Variants in ARHGEF28 observed in about 807,000 individuals in gnomAD.
ARHGEF28 encodes the protein Rho guanine nucleotide exchange factor 28.
A neutral mutation model predicts 206.6 loss-of-function variants in ARHGEF28; 152 were observed. The ratio of observed to expected loss-of-function variants is 0.74; its 90% CI spans 0.64 to 0.84. ARHGEF28 has a LOEUF of 0.84. Among genes scored for constraint, ARHGEF28 ranks in the 40% least tolerant of loss-of-function variants. The pLI is 0.00. For missense variants in ARHGEF28, 2,028 were observed against 2,073.2 expected (o/e 0.98, Z 0.42); for synonymous variants, 763 against 776.4 (o/e 0.98, Z 0.29).
intron 4 of ARHGEF28, among the ~76,000 whole-genome samples, 187 bp downstream of exon 4, chr5:73,753,389 G>A (rs1017921940): frequency 6.6e-6 from 1 of 152,196 alleles, no homozygotes; most frequent in Non-Finnish European, 1.5e-5. Flanking sequence ...GTGACTCCGT[G>A]CCAGGAGGTG....
chr5:73,882,781 A>G (rs1207980299), intron 23 of ARHGEF28, among the ~76,000 whole-genome samples, 187 bp downstream of exon 23: 1 of 152,174 alleles, frequency 6.6e-6, no homozygotes, highest in African/African-American at 2.4e-5. Flanking sequence ...ATTGCCCCCA[A>G]ATCATTTCCT....
At chr5:73,898,231 A>AATTTTTTGGCTCAG in intron 30 of ARHGEF28, 138 bp downstream of exon 30, 1 of 1,052,056 alleles carries the variant, frequency 9.5e-7, no homozygotes, top group Non-Finnish European at 1.3e-6. Context: ...AAAAACTGAG[A>AATTTTTTGGCTCAG]ATAAATATGC....
In ARHGEF28 at chr5:73,878,893, A is replaced by G. The variant is rs546064258; in HGVS notation, c.2815-3579A>G. 6.0e-3 allele frequency among the ~76,000 whole-genome samples: 912 copies of G among 151,948 alleles called. 15 individuals carry two copies. Among genetic ancestry groups the G allele is most frequent in the African/African-American group, 0.021 (853 of 41,398 alleles). On this transcript the variant is annotated intron_variant, in intron 22 of 35. Coordinates refer to ENST00000513042, the MANE Select transcript of ARHGEF28 (RefSeq NM_001177693.2). ...CATTTCAACTTTGGTGAATCTGACA[A>G]TTATGTGTCTTGGAGTTGGTCTTCT... is the stretch of plus-strand genomic sequence containing the variant.
intron 24 of ARHGEF28, 31 bp from the exon 25 acceptor site, chr5:73,885,819 T>A (rs1761245348): frequency 1.3e-6 from 2 of 1,582,992 alleles, no homozygotes; most frequent in South Asian, 2.4e-5. Context: ...TGTATAGTAT[T>A]TTTGTTTGTT....
chr5:73,917,404 C>G (rs1293079032), intron 35 of ARHGEF28, among the ~76,000 whole-genome samples: 1 of 152,218 alleles, frequency 6.6e-6, no homozygotes, highest in Non-Finnish European at 1.5e-5. Context: ...TTTCATCTTT[C>G]TCATCGACAA....
chr5:73,909,245 G>A lies in ARHGEF28; in HGVS notation c.4162-167G>A, dbSNP rs1762723996. The A allele has an allele frequency of 6.2e-6, 6 of 968,062 alleles. No homozygotes were observed. In the Admixed American group the frequency reaches 1.8e-4, roughly 28 times the overall value. The allele number at this position is 968,062 out of a possible 1,614,324, so 60.0% of individuals were successfully genotyped here. ...GGACAGATGTAGACACACCTCTCTGGAACGCCAAAAACCTTGCCTTTGGAG... is the reference window on the plus strand; with the variant it reads ...GGACAGATGTAGACACACCTCTCTGAAACGCCAAAAACCTTGCCTTTGGAG... On this transcript the variant is annotated intron_variant, in intron 33 of 35. Transcript: ENST00000513042.
intron 6 of ARHGEF28, 163 bp from the exon 7 acceptor site, chr5:73,780,513 G>A (rs559918258): frequency 6.4e-4 from 415 of 646,390 alleles, no homozygotes; most frequent in Non-Finnish European, 9.7e-4. Context: ...CCTCCTGCTG[G>A]GGTGCTGGCT....
chr5:73,672,531 C>A (rs1430823627), intron 1 of ARHGEF28, among the ~76,000 whole-genome samples: 1 of 152,190 alleles, frequency 6.6e-6, no homozygotes, highest in African/African-American at 2.4e-5. Flanking sequence ...TTTTAATATC[C>A]TTCCCTAGAT....
Position 73,633,648 on chromosome 5 carries a change from C to T in ARHGEF28, c.-12+7326C>T, listed in dbSNP as rs534024900. On this transcript the variant is annotated intron_variant, in intron 1 of 35. Transcript: ENST00000513042. Reference sequence around the variant, plus strand: ...CTGGAGTGCAGTGGTGTGATCTCAGCTCACTGCAACCTCCGCCTCCTGGGT... The same window carrying T: ...CTGGAGTGCAGTGGTGTGATCTCAGTTCACTGCAACCTCCGCCTCCTGGGT... Among the ~76,000 whole-genome samples the T allele has an allele frequency of 2.8e-5, 4 of 143,810 alleles. 1 individual carries two copies. In the South Asian group the frequency reaches 8.7e-4, roughly 31 times the overall value. The allele number at this position is 143,810 out of a possible 152,430, so 94.3% of individuals were successfully genotyped here. A position where few individuals can be genotyped will look rare whatever the true frequency, so the allele number is the denominator to read the frequency against.
chr5:73,873,692 G>A (rs1760258050), intron 22 of ARHGEF28, among the ~76,000 whole-genome samples: 1 of 152,204 alleles, frequency 6.6e-6, no homozygotes. Flanking sequence ...GAGTTCAGCT[G>A]TTGGTCTGTA....
At chr5:73,835,387 G>C (rs371874567) in intron 10 of ARHGEF28, 1 of 151,296 alleles carries the variant, frequency 6.6e-6, no homozygotes, top group Non-Finnish European at 1.5e-5. Context: ...GGAGAATGGC[G>C]TGAACCCGGG....
Position 73,938,160 on chromosome 5 carries a change from CCACACACACACACACA to C in ARHGEF28, c.4949-2659_4949-2644del, listed in dbSNP as rs199804024. On this transcript the variant is annotated intron_variant, in intron 35 of 35. Coordinates refer to ENST00000513042, the MANE Select transcript of ARHGEF28 (RefSeq NM_001177693.2). ...GTTCTGATTAAACTTCTACACTACA[CCACACACACACACACA>C]CACACACACACACACACACACACAA... 0.011 allele frequency among the ~76,000 whole-genome samples: 1,535 copies of C among 139,638 alleles called. 71 individuals are homozygous for C. In the East Asian group the frequency reaches 0.15, roughly 14 times the overall value. The allele number at this position is 139,638 out of a possible 152,430, so 91.6% of individuals were successfully genotyped here. A position where few individuals can be genotyped will look rare whatever the true frequency, so the allele number is the denominator to read the frequency against.
At chr5:73,923,107 A>G (rs1022986524) in intron 35 of ARHGEF28, 3 of 1,535,780 alleles carry the variant, frequency 2.0e-6, no homozygotes, top group Middle Eastern at 1.7e-4. Flanking sequence ...GACAAAGTGC[A>G]GTTGTACGTT....
chr5:73,800,852 A>G (rs1755086900), intron 9 of ARHGEF28, among the ~76,000 whole-genome samples: 1 of 152,192 alleles, frequency 6.6e-6, no homozygotes, highest in African/African-American at 2.4e-5. Flanking sequence ...CTGGTAGGAA[A>G]TGACTGGAAG....
intron 2 of ARHGEF28, among the ~76,000 whole-genome samples, chr5:73,702,932 G>A (rs999992096): frequency 6.6e-6 from 1 of 152,212 alleles, no homozygotes; most frequent in East Asian, 1.9e-4. Flanking sequence ...ATCTGAATGT[G>A]TTTGGATCCT....
intron 1 of ARHGEF28, among the ~76,000 whole-genome samples, chr5:73,659,078 T>C (rs1278365008): frequency 1.1e-4 from 17 of 152,072 alleles, no homozygotes; most frequent in Admixed American, 1.1e-3. Flanking sequence ...AAACTCTGTA[T>C]ACTGACTGCC....
intron 1 of ARHGEF28, among the ~76,000 whole-genome samples, chr5:73,633,083 T>C (rs751946573): frequency 1.4e-4 from 22 of 152,112 alleles, no homozygotes; most frequent in Admixed American, 4.6e-4. Context: ...CTAGATCCCT[T>C]GCATGCACAG....
intron 4 of ARHGEF28, among the ~76,000 whole-genome samples, 192 bp downstream of exon 4, chr5:73,753,394 G>A (rs1404163857): frequency 6.6e-6 from 1 of 152,238 alleles, no homozygotes; most frequent in African/African-American, 2.4e-5. Flanking sequence ...TCCGTGCCAG[G>A]AGGTGTGGGA....
intron 24 of ARHGEF28, 104 bp from the exon 25 acceptor site, chr5:73,885,746 T>C: frequency 8.4e-7 from 1 of 1,196,658 alleles, no homozygotes; most frequent in African/African-American, 1.6e-5. Flanking sequence ...ATTGTTTAGA[T>C]GATACATTTA....
Sources: gnomAD v4.1 joint callset for allele counts (sites outside exome capture counted in the v4.1 genomes callset) on GRCh38, gnomAD v4.1.1 for gene constraint, MANE v1.5 for transcripts, NCBI Gene and HGNC (gene_info 2026-07-23, HGNC 2026-07-21) for gene names.